The following NSF variants were observed in gnomAD, a reference collection of about 807,000 sequenced individuals.
NSF encodes the protein N-ethylmaleimide sensitive factor, vesicle fusing ATPase, also known as vesicle-fusing ATPase.
NSF carries 14 observed loss-of-function variants against 50.3 expected under a neutral mutation model. That is an observed-to-expected ratio of 0.28 (90% CI 0.18 to 0.44). The LOEUF (loss-of-function observed/expected upper bound fraction) is 0.44, where lower values mean the gene tolerates loss of function less well. NSF is among the 20% of genes least tolerant of loss of function. NSF has a pLI of 1.00. For synonymous variants in NSF, 109 were observed against 175.7 expected, an observed-to-expected ratio of 0.62 and a Z score of 3.00; for missense variants, 218 against 504.3, an observed-to-expected ratio of 0.43 and a Z score of 5.44.
chr17:46,747,857 A>G (rs1363646410), intron 17 of NSF, among the ~76,000 whole-genome samples: 1 of 152,182 alleles, frequency 6.6e-6, no homozygotes, highest in Non-Finnish European at 1.5e-5. Context: ...AAGGAAATGT[A>G]TTTCCTAGAA....
rs189437524 is a variant in NSF at position 46,756,205 on chromosome 17, G to A, written c.*382G>A. The A allele has an allele frequency of 1.7e-5, 3 of 172,078 alleles. No individual in the cohort carries two copies. In the East Asian group the frequency reaches 4.4e-4, roughly 25 times the overall value. The allele number at this position is 172,078 out of a possible 1,614,324, so 10.7% of individuals were successfully genotyped here. On this transcript the variant is annotated 3_prime_UTR_variant, in exon 21 of 21. Transcript: ENST00000398238. ...CATGAATGTTGCATGACAACAGTTG[G>A]CCGATTAGAAGGCAGACTTTCTACA...
chr17:46,595,598 T>C (rs2057862847), intron 1 of NSF, among the ~76,000 whole-genome samples: 1 of 131,362 alleles, frequency 7.6e-6, no homozygotes. Context: ...TTCAAGCGAT[T>C]CTCCCGCCTC....
At chr17:46,712,146 C>T (rs547139878) in intron 14 of NSF, among the ~76,000 whole-genome samples, 4 of 152,028 alleles carry the variant, frequency 2.6e-5, no homozygotes, top group Non-Finnish European at 5.9e-5. Context: ...TAATGAGAGT[C>T]GATTGTGGTT....
chr17:46,721,573 C>T (rs1329457543), intron 15 of NSF: 1 of 1,482,646 alleles, frequency 6.7e-7, no homozygotes, highest in Non-Finnish European at 9.3e-7. Context: ...TTTATTTAGC[C>T]ATTTTTGTTT....
intron 11 of NSF, among the ~76,000 whole-genome samples, chr17:46,694,175 A>C (rs1169278352): frequency 3.7e-5 from 5 of 135,072 alleles, no homozygotes; most frequent in Non-Finnish European, 7.4e-5. Context: ...ACTTGAGGCC[A>C]GTTGTTCGAG....
At chr17:46,745,819 A>G (rs1396163643) in intron 17 of NSF, among the ~76,000 whole-genome samples, 1 of 152,206 alleles carries the variant, frequency 6.6e-6, no homozygotes, top group Admixed American at 6.5e-5. Flanking sequence ...AATACTTTAA[A>G]TATAACAGCA....
chr17:46,728,793 T>C (rs1326795966), intron 16 of NSF, 62 bp from the exon 17 acceptor site: 9 of 1,116,652 alleles, frequency 8.1e-6, no homozygotes, highest in Non-Finnish European at 1.1e-5. Context: ...AAACAAAAAC[T>C]GAATGTTTGG....
chr17:46,744,523 CCTTT>C (rs1222773190), intron 17 of NSF, among the ~76,000 whole-genome samples: 2 of 152,126 alleles, frequency 1.3e-5, no homozygotes. Flanking sequence ...GAAAGAATGG[CCTTT>C]CTTTCCTGCA....
In NSF at chr17:46,756,984, A is replaced by C. The variant is rs2059240632; in HGVS notation, c.*1161A>C. 1 of 152,282 alleles carries C rather than the reference A, an allele frequency of 6.6e-6. No homozygotes were observed. Among genetic ancestry groups the C allele is most frequent in the Non-Finnish European group, 1.5e-5 (1 of 68,050 alleles). The allele number at this position is 152,282 out of a possible 1,614,324, so 9.4% of individuals were successfully genotyped here. ...TCATATTTGGTGATGAGACTTATGG[A>C]GTGTGCCTCTCTCTCCCAACTGCTG... On this transcript the variant is annotated 3_prime_UTR_variant, in exon 21 of 21. Transcript: ENST00000398238.
At chr17:46,704,057 C>T (rs2058635472) in intron 12 of NSF, among the ~76,000 whole-genome samples, 1 of 144,280 alleles carries the variant, frequency 6.9e-6, no homozygotes, top group Non-Finnish European at 1.5e-5. Flanking sequence ...AATAATATTC[C>T]ATTGTATGTA....
chr17:46,722,861 G>A (rs566653196), intron 15 of NSF, among the ~76,000 whole-genome samples: 22 of 152,306 alleles, frequency 1.4e-4, no homozygotes, highest in African/African-American at 5.3e-4. Context: ...AACTGGAATT[G>A]CACAGCCTTC....
rs2058804234 is a variant in NSF at position 46,719,213 on chromosome 17, C to T, written c.1761+5227C>T. On this transcript the variant is annotated intron_variant, in intron 15 of 20. Transcript: ENST00000398238. The surrounding 1 kb of genome is among the most constrained non-coding windows in gnomAD (Gnocchi z 4.3). ...CAAAATGTTTTGCAATGACAATAGTCTGTGAAACTGAAAAATATGTAACAC... is the reference window on the plus strand; with the variant it reads ...CAAAATGTTTTGCAATGACAATAGTTTGTGAAACTGAAAAATATGTAACAC... Among the ~76,000 whole-genome samples, 1 of 152,144 alleles carries T rather than the reference C, an allele frequency of 6.6e-6. No individual in the cohort carries two copies. The highest frequency in any genetic ancestry group is 6.5e-5 in the Admixed American group (1 of 15,276).
chr17:46,746,820 A>C (rs1358190054), intron 17 of NSF, among the ~76,000 whole-genome samples: 1 of 152,208 alleles, frequency 6.6e-6, no homozygotes, highest in African/African-American at 2.4e-5. Flanking sequence ...TTCATCAGTA[A>C]AATGGGGATA....
chr17:46,722,128 C>T, intron 15 of NSF: 8 of 1,611,890 alleles, frequency 5.0e-6, no homozygotes, highest in African/African-American at 2.7e-5. Flanking sequence ...TCCGGCTTCT[C>T]GCCATTGGGC....
intron 17 of NSF, among the ~76,000 whole-genome samples, chr17:46,746,272 A>G (rs547481127): frequency 2.6e-5 from 4 of 152,224 alleles, no homozygotes; most frequent in African/African-American, 9.6e-5. Context: ...CTCATATTCT[A>G]TGCGCAGTCA....
intron 17 of NSF, among the ~76,000 whole-genome samples, chr17:46,739,732 AT>A (rs200703694): frequency 0.15 from 22,383 of 147,042 alleles, 3,288 homozygotes; most frequent in East Asian, 0.6. Flanking sequence ...TTTTTTTCTG[AT>A]TTTTTTTTTT....
chr17:46,711,667 A>G (rs1292246975), intron 14 of NSF, among the ~76,000 whole-genome samples: 1 of 152,242 alleles, frequency 6.6e-6, no homozygotes, highest in African/African-American at 2.4e-5. Flanking sequence ...GGGGAAGGAC[A>G]TTCCATTCAC....
chr17:46,752,935 T>A (rs1401246989), intron 19 of NSF, among the ~76,000 whole-genome samples: 1 of 152,090 alleles, frequency 6.6e-6, no homozygotes, highest in South Asian at 2.1e-4. Flanking sequence ...GCCTGGCTAA[T>A]TTTTTGTATT....
At position 46,713,299 on chromosome 17, in the gene NSF, A is replaced by C. The variant is rs181345673; in HGVS notation, c.1628-554A>C. On this transcript the variant is annotated intron_variant, in intron 14 of 20. Transcript: ENST00000398238. ...ATGGAAAGGAAGATTTGATTGGTTT[A>C]TGGTTGAACGAGGGACACAGCTTCC... 194 of 153,700 alleles carry C rather than the reference A, an allele frequency of 1.3e-3. No individual in the cohort carries two copies. In the Middle Eastern group the frequency reaches 0.014, roughly 11 times the overall value. 9.5% of individuals were successfully genotyped at this position (153,700 alleles called of 1,614,324 possible). A position where few individuals can be genotyped will look rare whatever the true frequency, so the allele number is the denominator to read the frequency against.
Sources: allele counts gnomAD v4.1 joint callset (sites outside exome capture counted in the v4.1 genomes callset), GRCh38; gene constraint gnomAD v4.1.1; non-coding constraint Gnocchi (gnomAD v3.1); transcripts MANE v1.5; gene names NCBI Gene and HGNC (gene_info 2026-07-23, HGNC 2026-07-21).